GUCY2C: variants seen among roughly 807,000 people sequenced by gnomAD.
GUCY2C encodes the protein guanylyl cyclase C.
In GUCY2C, 118 loss-of-function variants were observed where a neutral mutation model predicts 131.1. The ratio of observed to expected loss-of-function variants is 0.90; its 90% CI spans 0.78 to 1.05. The LOEUF (loss-of-function observed/expected upper bound fraction) is 1.05. Ranked by LOEUF, GUCY2C falls within the 50% of genes least tolerant of loss-of-function variation. The pLI is 0.00. For synonymous variants in GUCY2C, 452 were observed against 457.8 expected (o/e 0.99, Z 0.16); for missense variants, 1,161 against 1,304.4 (o/e 0.89, Z 1.69).
In GUCY2C at chr12:14,643,839, C is replaced by T. The variant is rs1387463830; in HGVS notation, c.1798-133G>A. 8.3e-6 allele frequency: 6 copies of T among 724,878 alleles called. No homozygotes were observed. In the Admixed American group the frequency reaches 9.5e-5, roughly 12 times the overall value. 44.9% of individuals were successfully genotyped at this position (724,878 alleles called of 1,614,324 possible). ...CCATCAGATTTTAATTTTAGTCCCA[C>T]TATTTTTACCTTAACAATATTACTG... On this transcript the variant is annotated intron_variant, in intron 16 of 26. Transcript: ENST00000261170.
rs573513335 is a variant in GUCY2C at position 14,634,701 on chromosome 12, A to G, written c.2157+5161T>C. Among the ~76,000 whole-genome samples the G allele has an allele frequency of 2.6e-4, 40 of 152,316 alleles. 1 individual carries two copies. The South Asian group carries it at 3.1e-3, about 12-fold the overall frequency. Reference sequence around the variant, plus strand: ...GGATTTTTAAAAATGACCCAACTGTAGGCTGCCTACAAGAAACTCATCTTA... The same window carrying G: ...GGATTTTTAAAAATGACCCAACTGTGGGCTGCCTACAAGAAACTCATCTTA... On this transcript the variant is annotated intron_variant, in intron 19 of 26. Transcript: ENST00000261170.
At chr12:14,657,914 T>G (rs1947794161) in intron 11 of GUCY2C, among the ~76,000 whole-genome samples, 1 of 152,222 alleles carries the variant, frequency 6.6e-6, no homozygotes. Flanking sequence ...AGTTATCAAT[T>G]AATTTACCTT....
chr12:14,616,640 T>A lies in GUCY2C; in HGVS notation c.2963A>T (p.Tyr988Phe). ...TCTCTGTGGACTCCTTACCTTTAAG[T>A]ATGTTTCTCCTCTCACTTCATAAAG... ...QFLYEVRGET[Y>F]LKGRGNETTY... The change falls in exon 25 of 27, where the codon TAC (tyrosine) becomes TTC (phenylalanine). Residue 988 changes from tyrosine to phenylalanine, a missense_variant. Physicochemically the swap from Tyr to Phe is conservative, Grantham distance 22 (BLOSUM62 3). Coordinates refer to ENST00000261170, the MANE Select transcript of GUCY2C (RefSeq NM_004963.4). 6.4e-7 allele frequency: 1 copy of A among 1,562,024 alleles called. No individual in the cohort carries two copies. Among genetic ancestry groups the A allele is most frequent in the Non-Finnish European group, 8.8e-7 (1 of 1,132,632 alleles).
At position 14,696,570 on chromosome 12, in the gene GUCY2C, A is replaced by G. The variant is rs1011246395; in HGVS notation, c.-122T>C. 1.3e-5 allele frequency: 9 copies of G among 699,606 alleles called. No homozygotes were observed. The highest frequency in any genetic ancestry group is 2.2e-5 in the Non-Finnish European group (9 of 406,478). 43.3% of individuals were successfully genotyped at this position (699,606 alleles called of 1,614,324 possible). ...GGAGTCCCTCAGCCCACTCTTCCCCACGCTTCTCTCTGGTCATGCCCAACT... is the reference window on the plus strand; with the variant it reads ...GGAGTCCCTCAGCCCACTCTTCCCCGCGCTTCTCTCTGGTCATGCCCAACT... On this transcript the variant is annotated 5_prime_UTR_variant, in exon 1 of 27. Coordinates refer to ENST00000261170, the MANE Select transcript of GUCY2C (RefSeq NM_004963.4).
intron 10 of GUCY2C, among the ~76,000 whole-genome samples, chr12:14,667,133 T>C (rs1415448370): frequency 6.6e-6 from 1 of 152,086 alleles, no homozygotes; most frequent in Non-Finnish European, 1.5e-5. Context: ...CACAGACCTA[T>C]TGAATAACCA....
intron 12 of GUCY2C, among the ~76,000 whole-genome samples, chr12:14,656,221 C>T (rs1015622248): frequency 6.6e-6 from 1 of 152,192 alleles, no homozygotes; most frequent in African/African-American, 2.4e-5. Flanking sequence ...CCCATTCCTA[C>T]ATCCCTTCCA....
Position 14,676,967 on chromosome 12 carries a change from G to A in GUCY2C, c.835C>T (p.Gln279Ter), listed in dbSNP as rs1231855748. Residue 279 changes from glutamine to a stop codon, truncating the protein, a stop_gained, in exon 7 of 27, where the codon CAG becomes TAG. Transcript: ENST00000261170. LOFTEE classifies it high-confidence loss of function. ...VIILVDLFND[Q>*]YFEDNVTAPD... The stretch of plus-strand genomic sequence containing the variant: ...GCTGTGACATTGTCCTCAAAGTACT[G>A]GTCACTGTAATAAAAAGCACAGGTT... 3.2e-6 allele frequency: 4 copies of A among 1,260,278 alleles called. No homozygotes were observed. Among genetic ancestry groups the A allele is most frequent in the Non-Finnish European group, 4.5e-6 (4 of 891,020 alleles). 78.1% of individuals were successfully genotyped at this position (1,260,278 alleles called of 1,614,324 possible).
At chr12:14,614,846 C>A in intron 26 of GUCY2C, 21 bp downstream of exon 26, 1 of 1,506,948 alleles carries the variant, frequency 6.6e-7, no homozygotes. Flanking sequence ...CTCCCTGTCC[C>A]TGCCACACCC....
At chr12:14,672,391 G>T (rs1948132661) in intron 9 of GUCY2C, 1 of 152,276 alleles carries the variant, frequency 6.6e-6, no homozygotes, top group African/African-American at 2.4e-5. Flanking sequence ...ATGAATAAAA[G>T]CATAGCATTA....
chr12:14,671,607 C>T (rs757872061), intron 9 of GUCY2C, among the ~76,000 whole-genome samples: 7 of 152,072 alleles, frequency 4.6e-5, no homozygotes, highest in Non-Finnish European at 8.8e-5. Context: ...ATAGCACAAC[C>T]GATGGTACTA....
intron 20 of GUCY2C, among the ~76,000 whole-genome samples, chr12:14,628,226 T>C (rs1003572763): frequency 2.6e-5 from 4 of 152,154 alleles, no homozygotes; most frequent in Admixed American, 1.3e-4. Context: ...ATGACATGTC[T>C]TAAGTACCTA....
Position 14,625,931 on chromosome 12 carries a change from G to A in GUCY2C, c.2250-16C>T, listed in dbSNP as rs554732917. On this transcript the variant is annotated splice_polypyrimidine_tract_variant and intron_variant, in intron 20 of 26. Transcript: ENST00000261170. ...ATGAAAAAGTCTGTAGGTAGTAATA[G>A]ATAAAGAGCTCTTATATATTATTAA... 6.7e-7 allele frequency: 1 copy of A among 1,489,634 alleles called. No homozygotes were observed. The highest frequency in any genetic ancestry group is 1.4e-5 in the African/African-American group (1 of 72,348). The allele number at this position is 1,489,634 out of a possible 1,614,324, so 92.3% of individuals were successfully genotyped here.
chr12:14,643,543 G>GT, intron 17 of GUCY2C, 31 bp downstream of exon 17: 1 of 1,608,566 alleles, frequency 6.2e-7, no homozygotes, highest in Non-Finnish European at 8.5e-7. Flanking sequence ...AATCAGTTAG[G>GT]AAACTAGTGA....
At chr12:14,694,155 T>G (rs1948619549) in intron 1 of GUCY2C, among the ~76,000 whole-genome samples, 1 of 152,196 alleles carries the variant, frequency 6.6e-6, no homozygotes, top group Non-Finnish European at 1.5e-5. Flanking sequence ...AAAATTTAAC[T>G]AGCTGCTTAA....
At chr12:14,636,154 A>G (rs1947265509) in intron 19 of GUCY2C, among the ~76,000 whole-genome samples, 1 of 152,218 alleles carries the variant, frequency 6.6e-6, no homozygotes, top group African/African-American at 2.4e-5. Flanking sequence ...ACAAAAAAGG[A>G]AAACTATGGG....
At chr12:14,684,617 C>CTTT (rs376485755) in intron 3 of GUCY2C, among the ~76,000 whole-genome samples, 1 of 19,622 alleles carries the variant, frequency 5.1e-5, no homozygotes, top group African/African-American at 1.7e-4. Flanking sequence ...TCCTTCCTTC[C>CTTT]TTCCTTCCTT....
At chr12:14,684,788 G>T (rs1948439355) in intron 3 of GUCY2C, among the ~76,000 whole-genome samples, 1 of 151,560 alleles carries the variant, frequency 6.6e-6, no homozygotes, top group Non-Finnish European at 1.5e-5. Flanking sequence ...TCCCATCTTG[G>T]CCTCCCACAT....
chr12:14,688,493 A>G (rs1948516305), intron 1 of GUCY2C, among the ~76,000 whole-genome samples: 1 of 152,166 alleles, frequency 6.6e-6, no homozygotes, highest in Non-Finnish European at 1.5e-5. Flanking sequence ...AAGCAAAGAC[A>G]TAAACATTAT....
In GUCY2C at chr12:14,614,880, T is replaced by A; in HGVS notation, c.3034A>T (p.Thr1012Ser). The A allele has an allele frequency of 6.3e-7, 1 of 1,586,666 alleles. No homozygotes were observed. The highest frequency in any genetic ancestry group is 8.6e-7 in the Non-Finnish European group (1 of 1,167,110). The change falls in exon 26 of 27, where the codon ACC becomes TCC. Residue 1012 changes from threonine to serine, a missense_variant. Transcript: ENST00000261170. Reference protein sequence around the residue: ...GMKDQKFNLPTPPTVENQQRL... With the variant: ...GMKDQKFNLPSPPTVENQQRL... ...CCAGAAGCTTACACAGTAGGAGGGG[T>A]TGGCAGGTTGAATTTCTGGTCCTTC... is the stretch of plus-strand genomic sequence containing the variant.
Sources: allele counts gnomAD v4.1 joint callset (sites outside exome capture counted in the v4.1 genomes callset), GRCh38; gene constraint gnomAD v4.1.1; transcripts MANE v1.5; gene names NCBI Gene and HGNC (gene_info 2026-07-23, HGNC 2026-07-21).